Variants in RNF180 observed in about 807,000 individuals in gnomAD.
RNF180 encodes the protein ring finger protein 180, also known as E3 ubiquitin-protein ligase RNF180.
A neutral mutation model predicts 59.2 loss-of-function variants in RNF180; 38 were observed. The observed-to-expected ratio is 0.64, with a 90% CI of 0.50 to 0.84. The LOEUF (loss-of-function observed/expected upper bound fraction) is 0.84, where lower values mean the gene tolerates loss of function less well. Among genes scored for constraint, RNF180 ranks in the 40% least tolerant of loss-of-function variants. The pLI is 0.00. For missense variants in RNF180, 705 were observed against 700.9 expected (o/e 1.01, Z -0.07); for synonymous variants, 262 against 240.3 (o/e 1.09, Z -0.84).
intron 7 of RNF180, among the ~76,000 whole-genome samples, chr5:64,335,704 C>G (rs982953429): frequency 1.3e-5 from 2 of 152,060 alleles, no homozygotes; most frequent in Non-Finnish European, 2.9e-5. Context: ...TGATATCCCC[C>G]CTTCCAATTT....
intron 1 of RNF180, among the ~76,000 whole-genome samples, chr5:64,188,641 T>G (rs1350939702): frequency 6.6e-6 from 1 of 152,198 alleles, no homozygotes; most frequent in Non-Finnish European, 1.5e-5. Flanking sequence ...TCTAAGTTCT[T>G]TGGTCATTTC....
chr5:64,198,353 A>G (rs1230971679), intron 1 of RNF180, among the ~76,000 whole-genome samples: 1 of 152,210 alleles, frequency 6.6e-6, no homozygotes, highest in Non-Finnish European at 1.5e-5. Flanking sequence ...AAGGAGATTC[A>G]TAGAGAGATG....
At chr5:64,250,640 A>G (rs1166322527) in intron 5 of RNF180, among the ~76,000 whole-genome samples, 1 of 152,192 alleles carries the variant, frequency 6.6e-6, no homozygotes, top group Non-Finnish European at 1.5e-5. Context: ...TTATACACCA[A>G]CAAATTGGAT....
chr5:64,255,649 A>G (rs1743897316), intron 5 of RNF180, among the ~76,000 whole-genome samples: 1 of 152,176 alleles, frequency 6.6e-6, no homozygotes, highest in Non-Finnish European at 1.5e-5. Flanking sequence ...GAATAGTGCC[A>G]CAATAAACAT....
intron 3 of RNF180, 86 bp downstream of exon 3, chr5:64,212,246 G>A: frequency 5.3e-6 from 4 of 755,776 alleles, no homozygotes; most frequent in Admixed American, 2.1e-5. Flanking sequence ...TTTCTTAGAT[G>A]CATTCCTTGG....
chr5:64,361,769 TCTTA>T (rs576326408), intron 7 of RNF180, among the ~76,000 whole-genome samples: 79 of 151,668 alleles, frequency 5.2e-4, no homozygotes, highest in African/African-American at 1.8e-3. Context: ...CAGAAGCTTC[TCTTA>T]CTATTAACTC....
intron 5 of RNF180, among the ~76,000 whole-genome samples, chr5:64,304,769 G>C (rs1230192315): frequency 6.6e-6 from 1 of 151,670 alleles, no homozygotes; most frequent in Non-Finnish European, 1.5e-5. Context: ...TAAAGCAGCA[G>C]CAGGATTTAA....
chr5:64,332,625 A>C (rs1744956303), intron 7 of RNF180, among the ~76,000 whole-genome samples: 3 of 152,242 alleles, frequency 2.0e-5, no homozygotes, highest in Admixed American at 2.0e-4. Flanking sequence ...ATAAGGAATG[A>C]AGGTAATGCA....
At chr5:64,292,462 G>T (rs1447345591) in intron 5 of RNF180, among the ~76,000 whole-genome samples, 1 of 152,168 alleles carries the variant, frequency 6.6e-6, no homozygotes. Flanking sequence ...ATCAGTGAAG[G>T]CTGCAAAACA....
intron 1 of RNF180, among the ~76,000 whole-genome samples, chr5:64,199,097 C>T (rs111415952): frequency 0.037 from 5,707 of 152,214 alleles, 163 homozygotes; most frequent in Non-Finnish European, 0.061. Context: ...GGATTACGGG[C>T]GTGAGCCACC....
chr5:64,177,895 A>G (rs1316883083), intron 1 of RNF180, among the ~76,000 whole-genome samples: 1 of 152,066 alleles, frequency 6.6e-6, no homozygotes, highest in Non-Finnish European at 1.5e-5. Flanking sequence ...TGAAACCCAC[A>G]TGGAAACTAT....
chr5:64,244,185 C>T (rs1383671639), intron 5 of RNF180, among the ~76,000 whole-genome samples: 2 of 152,118 alleles, frequency 1.3e-5, no homozygotes, highest in African/African-American at 4.8e-5. Flanking sequence ...GCCTCTTCTC[C>T]TCCAAAGGAT....
chr5:64,286,152 G>A (rs918057038), intron 5 of RNF180, among the ~76,000 whole-genome samples: 7 of 152,176 alleles, frequency 4.6e-5, no homozygotes, highest in Middle Eastern at 3.2e-3. Flanking sequence ...AATCTGGAAG[G>A]TTTTGTATGA....
chr5:64,335,078 T>C (rs545895985), intron 7 of RNF180, among the ~76,000 whole-genome samples: 54 of 152,306 alleles, frequency 3.5e-4, no homozygotes, highest in South Asian at 1.0e-3. Context: ...TGATATCTCA[T>C]TGGGGTTTTA....
chr5:64,246,654 G>A (rs565211654), intron 5 of RNF180, among the ~76,000 whole-genome samples: 40 of 152,226 alleles, frequency 2.6e-4, no homozygotes, highest in African/African-American at 7.7e-4. Context: ...AGGACCAGAT[G>A]GATTCACATC....
chr5:64,270,713 T>G (rs1299772358), intron 5 of RNF180, among the ~76,000 whole-genome samples: 1 of 152,176 alleles, frequency 6.6e-6, no homozygotes, highest in Non-Finnish European at 1.5e-5. Context: ...ATTTAAAAAT[T>G]TATTTCTGTA....
chr5:64,276,767 G>GA (rs970709234), intron 5 of RNF180, among the ~76,000 whole-genome samples: 4 of 151,716 alleles, frequency 2.6e-5, no homozygotes, highest in African/African-American at 7.2e-5. Flanking sequence ...GTCTTATAAG[G>GA]AAAAAAATCA....
intron 5 of RNF180, among the ~76,000 whole-genome samples, chr5:64,294,795 A>G (rs1377273199): frequency 6.6e-6 from 1 of 152,100 alleles, no homozygotes; most frequent in Non-Finnish European, 1.5e-5. Context: ...TTTGCTGTAA[A>G]CTTTACCTAC....
chr5:64,260,593 A>T (rs1002451119), intron 5 of RNF180, among the ~76,000 whole-genome samples: 1 of 152,144 alleles, frequency 6.6e-6, no homozygotes, highest in Admixed American at 6.6e-5. Flanking sequence ...CAGCATTGAC[A>T]CTTAGGTGGA....
Sources: gnomAD v4.1 joint callset for allele counts (sites outside exome capture counted in the v4.1 genomes callset) on GRCh38, gnomAD v4.1.1 for gene constraint, MANE v1.5 for transcripts, NCBI Gene and HGNC (gene_info 2026-07-23, HGNC 2026-07-21) for gene names.